The following NCOA5 variants were observed in gnomAD, a reference collection of about 807,000 sequenced individuals.
The protein encoded by NCOA5 is NCoA-5.
NCOA5 carries 12 observed loss-of-function variants against 59.0 expected under a neutral mutation model. The ratio of observed to expected loss-of-function variants is 0.20; its 90% CI spans 0.13 to 0.33. The LOEUF is 0.33. Ranked by LOEUF, NCOA5 falls within the 10% of genes least tolerant of loss-of-function variation. The pLI, the probability that NCOA5 is intolerant of heterozygous loss-of-function variation, is 1.00. For synonymous variants in NCOA5, 270 were observed against 275.5 expected (o/e 0.98, Z 0.20); for missense variants, 655 against 766.6 (o/e 0.85, Z 1.72).
rs1468366634 is a variant in NCOA5 at position 46,062,847 on chromosome 20, G to A, written c.1193C>T (p.Ser398Leu). The A allele has an allele frequency of 2.2e-5, 34 of 1,526,670 alleles. 1 individual carries two copies. The South Asian group carries it at 3.2e-4, about 15-fold the overall frequency. 94.6% of individuals were successfully genotyped at this position (1,526,670 alleles called of 1,614,324 possible). A position where few individuals can be genotyped will look rare whatever the true frequency, so the allele number is the denominator to read the frequency against. ...TTGGGAGCTTGGCTGTGTCTTCAGC[G>A]AGGCACCCGAGGTCGCCCCGAGTGG... ...RQPLGATSGA[S>L]LKTQPSSQPL... Residue 398 changes from serine to leucine, a missense_variant, in exon 8 of 8, where the codon TCG becomes TTG. Physicochemically the swap from Ser to Leu is moderately radical, Grantham distance 145. Transcript: ENST00000290231.
At chr20:46,067,715 G>T (rs929243709) in intron 4 of NCOA5, among the ~76,000 whole-genome samples, 16 of 151,946 alleles carry the variant, frequency 1.1e-4, no homozygotes, top group African/African-American at 3.9e-4. Context: ...GGCCAGGTAT[G>T]AAATAATTTA....
At chr20:46,071,748 T>G (rs370517115) in intron 2 of NCOA5, among the ~76,000 whole-genome samples, 97 of 152,296 alleles carry the variant, frequency 6.4e-4, no homozygotes, top group South Asian at 2.5e-3. Context: ...TTTCCTGCAC[T>G]AATCCAAGTA....
chr20:46,062,018 AAACC>A lies in NCOA5; in HGVS notation c.*278_*281del, dbSNP rs2084770055. 3.7e-6 allele frequency: 1 copy of A among 268,814 alleles called. No homozygotes were observed. The highest frequency in any genetic ancestry group is 7.1e-6 in the Non-Finnish European group (1 of 141,428). 16.7% of individuals were successfully genotyped at this position (268,814 alleles called of 1,614,324 possible). On this transcript the variant is annotated 3_prime_UTR_variant, in exon 8 of 8. Coordinates refer to ENST00000290231, the MANE Select transcript of NCOA5 (RefSeq NM_020967.3). ...AATCCAGTAGAAACAGGGACCGGAG[AAACC>A]CCATCAAATACAAGCCCAGACACCT...
chr20:46,078,557 A>G lies in NCOA5; in HGVS notation c.38+830T>C, dbSNP rs577215998. Among the ~76,000 whole-genome samples the G allele has an allele frequency of 7.6e-5, 11 of 145,174 alleles. No individual in the cohort carries two copies. In the East Asian group the frequency reaches 2.1e-3, roughly 28 times the overall value. On this transcript the variant is annotated intron_variant, in intron 2 of 7. Transcript: ENST00000290231. ...AATCAATTAATCCATTTGGGCCTTG[A>G]AGAGACACCAGATATGAAATATATC...
chr20:46,081,268 AAC>A (rs2084989111), intron 1 of NCOA5, among the ~76,000 whole-genome samples: 1 of 152,124 alleles, frequency 6.6e-6, no homozygotes, highest in African/African-American at 2.4e-5. Context: ...TTAAGAGTAC[AAC>A]ACATATAGTA....
At chr20:46,064,657 A>T (rs6032644) in intron 6 of NCOA5, among the ~76,000 whole-genome samples, 53,969 of 152,096 alleles carry the variant, frequency 0.35, 9,853 homozygotes, top group East Asian at 0.57. Flanking sequence ...CCAACTGTGT[A>T]CATTTCTTTC....
rs780078650 is a variant in NCOA5, at chr20:46,067,102, G to C, written c.582C>G (p.Ala194=). ...YFEEIQRRFD[A]ERPVDCSVIV... ...TCACAGAACAATCAACGGGCCTTTCGGCATCAAAGCGTCTCTGGATTTCCT... is the reference window on the plus strand; with the variant it reads ...TCACAGAACAATCAACGGGCCTTTCCGCATCAAAGCGTCTCTGGATTTCCT... Residue 194 remains alanine (A), a synonymous_variant, in exon 5 of 8, where the codon GCC becomes GCG. Transcript: ENST00000290231. The C allele has an allele frequency of 1.3e-5, 21 of 1,613,916 alleles. 1 individual carries two copies. In the African/African-American group the frequency reaches 1.6e-4, roughly 12 times the overall value.
chr20:46,072,060 G>A (rs762552147), intron 2 of NCOA5, among the ~76,000 whole-genome samples: 1 of 152,148 alleles, frequency 6.6e-6, no homozygotes, highest in Non-Finnish European at 1.5e-5. Context: ...GAAACTGGAT[G>A]TCATCTTTCC....
At chr20:46,065,297 G>T in intron 5 of NCOA5, 69 bp from the exon 6 acceptor site, 1 of 1,495,648 alleles carries the variant, frequency 6.7e-7, no homozygotes, top group South Asian at 1.1e-5. Context: ...CAAGCCAGTT[G>T]TGTGTGTTCC....
At position 46,062,671 on chromosome 20, in the gene NCOA5, C is replaced by T. The variant is rs758174495; in HGVS notation, c.1369G>A (p.Ala457Thr). 23 of 1,614,046 alleles carry T rather than the reference C, an allele frequency of 1.4e-5. No homozygotes were observed. The highest frequency in any genetic ancestry group is 1.7e-6 in the Non-Finnish European group (2 of 1,180,030). Residue 457 changes from alanine to threonine, a missense_variant, in exon 8 of 8, where the codon GCC (alanine) becomes ACC (threonine). By Grantham distance (58) the Ala-to-Thr change is moderately conservative. Transcript: ENST00000290231. ...NSSSASPSVA[A>T]GNTPNQNFST... Reference sequence around the variant, plus strand: ...AAATTCTGGTTTGGGGTGTTTCCGGCAGCAACCGAGGGGGATGCAGAGCTG... The same window carrying T: ...AAATTCTGGTTTGGGGTGTTTCCGGTAGCAACCGAGGGGGATGCAGAGCTG...
chr20:46,068,773 T>C (rs1600621035), intron 3 of NCOA5, 135 bp from the exon 4 acceptor site: 3 of 779,440 alleles, frequency 3.8e-6, no homozygotes, highest in South Asian at 2.1e-5. Context: ...GTGGCTGTGA[T>C]AGAGTTAACC....
In NCOA5 at chr20:46,070,790, T is replaced by A. The variant is rs1045208462; in HGVS notation, c.39-254A>T. 7.9e-5 allele frequency among the ~76,000 whole-genome samples: 12 copies of A among 152,172 alleles called. 1 individual carries two copies. Among genetic ancestry groups the A allele is most frequent in the African/African-American group, 2.9e-4 (12 of 41,444 alleles). On this transcript the variant is annotated intron_variant, in intron 2 of 7. Coordinates refer to ENST00000290231, the MANE Select transcript of NCOA5 (RefSeq NM_020967.3). Reference sequence around the variant, plus strand: ...TGAAGGTTTTGACTGGATAACAGTATTCATCAGGCTTTCAAAGTGAAAGTG... The same window carrying A: ...TGAAGGTTTTGACTGGATAACAGTAATCATCAGGCTTTCAAAGTGAAAGTG...
intron 4 of NCOA5, among the ~76,000 whole-genome samples, 175 bp from the exon 5 acceptor site, chr20:46,067,356 T>A (rs1422200902): frequency 1.3e-5 from 2 of 152,196 alleles, no homozygotes; most frequent in Non-Finnish European, 2.9e-5. Flanking sequence ...AATGCTGGAT[T>A]AAAGGACGTG....
chr20:46,067,101 C>T lies in NCOA5; in HGVS notation c.583G>A (p.Glu195Lys), dbSNP rs758269352. The T allele has an allele frequency of 4.3e-6, 7 of 1,613,992 alleles. No individual in the cohort carries two copies. The highest frequency in any genetic ancestry group is 5.9e-6 in the Non-Finnish European group (7 of 1,180,020). Residue 195 changes from glutamate (E) to lysine (K), a missense_variant, in exon 5 of 8, where the codon GAA becomes AAA. By Grantham distance (56) the Glu-to-Lys change is moderately conservative (BLOSUM62 1). Transcript: ENST00000290231. The part of the protein sequence containing the change: ...FEEIQRRFDA[E>K]RPVDCSVIVV... ...ATCACAGAACAATCAACGGGCCTTT[C>T]GGCATCAAAGCGTCTCTGGATTTCC...
intron 5 of NCOA5, 24 bp downstream of exon 5, chr20:46,067,031 G>C (rs1295957721): frequency 6.2e-7 from 1 of 1,610,230 alleles, no homozygotes. Context: ...TCCTTACTGG[G>C]GAGAAATATC....
intron 6 of NCOA5, among the ~76,000 whole-genome samples, chr20:46,064,107 T>G (rs1227098731): frequency 6.6e-6 from 1 of 152,182 alleles, no homozygotes; most frequent in Admixed American, 6.5e-5. Context: ...GGCCTACCAT[T>G]TTTTAATTCA....
In NCOA5 at chr20:46,081,772, A is replaced by ATT. The variant is rs879573364; in HGVS notation, c.-29-2321_-29-2320dup. Among the ~76,000 whole-genome samples the ATT allele has an allele frequency of 3.9e-3, 558 of 144,576 alleles. 3 individuals carry two copies. The highest frequency in any genetic ancestry group is 0.013 in the African/African-American group (527 of 39,648). The allele number at this position is 144,576 out of a possible 152,430, so 94.8% of individuals were successfully genotyped here. A position where few individuals can be genotyped will look rare whatever the true frequency, so the allele number is the denominator to read the frequency against. On this transcript the variant is annotated intron_variant, in intron 1 of 7. Coordinates refer to ENST00000290231, the MANE Select transcript of NCOA5 (RefSeq NM_020967.3). ...GACGTATGGAGAAAATGAGACCTGG[A>ATT]TTTTTTTTTTTTTCCTATCTAATAG...
At chr20:46,084,978 T>C (rs1171833159) in intron 1 of NCOA5, among the ~76,000 whole-genome samples, 3 of 152,232 alleles carry the variant, frequency 2.0e-5, no homozygotes, top group Non-Finnish European at 4.4e-5. Context: ...GTGTCACACA[T>C]GTCCCAGGCC....
chr20:46,065,762 C>T (rs1364125302), intron 5 of NCOA5, among the ~76,000 whole-genome samples: 1 of 152,182 alleles, frequency 6.6e-6, no homozygotes, highest in Non-Finnish European at 1.5e-5. Context: ...CTGACATTCT[C>T]TTCTCATAGG....
Sources: gnomAD v4.1 joint callset for allele counts (sites outside exome capture counted in the v4.1 genomes callset) on GRCh38, gnomAD v4.1.1 for gene constraint, MANE v1.5 for transcripts, NCBI Gene and HGNC (gene_info 2026-07-23, HGNC 2026-07-21) for gene names.